Variants in ROBO2 observed in about 807,000 individuals in gnomAD.
ROBO2 encodes the protein roundabout homolog 2.
Under a neutral mutation model 160.8 loss-of-function variants are expected in ROBO2, and 53 were observed. That is an observed-to-expected ratio of 0.33 (90% CI 0.26 to 0.41). The LOEUF is 0.41. Among genes scored for constraint, ROBO2 ranks in the 10% least tolerant of loss-of-function variants. The probability of loss-of-function intolerance (pLI) is 1.00; values close to 1 mark genes in which losing one functional copy is unlikely to be tolerated. For synonymous variants in ROBO2, 664 were observed against 611.7 expected (o/e 1.09, Z -1.26); for missense variants, 1,577 against 1,722.4 (o/e 0.92, Z 1.49).
At chr3:77,144,400 G>A (rs868491689) in intron 2 of ROBO2, among the ~76,000 whole-genome samples, 2 of 152,040 alleles carry the variant, frequency 1.3e-5, no homozygotes, top group Middle Eastern at 3.4e-3. Context: ...TGGACATCTC[G>A]ACTCTCTAAC....
chr3:76,274,206 C>A (rs897971660), intron 2 of ROBO2, among the ~76,000 whole-genome samples: 2 of 152,114 alleles, frequency 1.3e-5, no homozygotes, highest in African/African-American at 4.8e-5. Flanking sequence ...ATTCATGATA[C>A]TACATACATA....
At chr3:77,179,313 C>CAA (rs200508305) in intron 2 of ROBO2, among the ~76,000 whole-genome samples, 1 of 134,404 alleles carries the variant, frequency 7.4e-6, no homozygotes, top group African/African-American at 2.7e-5. Flanking sequence ...AATAAGCCTG[C>CAA]AAAAAAAAAA....
intron 2 of ROBO2, among the ~76,000 whole-genome samples, chr3:76,824,453 C>T (rs2066398269): frequency 6.6e-6 from 1 of 152,136 alleles, no homozygotes; most frequent in Admixed American, 6.6e-5. Context: ...ACTAGTGCTG[C>T]CACACCAGTT....
intron 2 of ROBO2, among the ~76,000 whole-genome samples, chr3:77,347,593 T>C (rs2067806967): frequency 6.6e-6 from 1 of 152,078 alleles, no homozygotes; most frequent in Non-Finnish European, 1.5e-5. Context: ...TTCAGCTCCT[T>C]TTCCCCCAAA....
At chr3:77,326,081 A>G (rs1051987613) in intron 2 of ROBO2, among the ~76,000 whole-genome samples, 7 of 152,210 alleles carry the variant, frequency 4.6e-5, no homozygotes, top group Admixed American at 4.6e-4. Flanking sequence ...GTGTGATCTG[A>G]TAAATACTCA....
At chr3:76,457,076 A>G (rs1189374540) in intron 2 of ROBO2, among the ~76,000 whole-genome samples, 1 of 152,114 alleles carries the variant, frequency 6.6e-6, no homozygotes, top group Non-Finnish European at 1.5e-5. Flanking sequence ...TGGCCCATCC[A>G]AATCTCATGT....
intron 2 of ROBO2, among the ~76,000 whole-genome samples, chr3:77,111,788 C>T (rs895279891): frequency 6.6e-6 from 1 of 152,056 alleles, no homozygotes; most frequent in Non-Finnish European, 1.5e-5. Context: ...GCAAGAAGTC[C>T]CTACTTTAAA....
At chr3:77,167,554 C>A (rs1030572604) in intron 2 of ROBO2, among the ~76,000 whole-genome samples, 3 of 152,068 alleles carry the variant, frequency 2.0e-5, no homozygotes, top group African/African-American at 4.8e-5. Context: ...GGCAGTTAAA[C>A]CCATATGTAT....
intron 2 of ROBO2, among the ~76,000 whole-genome samples, chr3:76,362,310 G>A (rs1044507838): frequency 6.6e-6 from 1 of 152,024 alleles, no homozygotes; most frequent in Admixed American, 6.6e-5. Context: ...GCTGCTGTGA[G>A]CTGTGATTCC....
chr3:76,228,409 T>C (rs1575993866), intron 2 of ROBO2, among the ~76,000 whole-genome samples: 1 of 152,138 alleles, frequency 6.6e-6, no homozygotes, highest in African/African-American at 2.4e-5. Flanking sequence ...TCCTAAACAC[T>C]TTTATCTTAG....
chr3:77,115,233 C>A (rs1241316595), intron 2 of ROBO2, among the ~76,000 whole-genome samples: 1 of 152,058 alleles, frequency 6.6e-6, no homozygotes, highest in Non-Finnish European at 1.5e-5. Flanking sequence ...TATAAAAATA[C>A]TACACATGTA....
chr3:76,058,589 CTTTTTTT>C (rs10676074), intron 2 of ROBO2, among the ~76,000 whole-genome samples: 10 of 48,864 alleles, frequency 2.0e-4, no homozygotes, highest in African/African-American at 6.7e-4. Flanking sequence ...ACAGCAGAAA[CTTTTTTT>C]TTTTTTTTTT....
At chr3:77,007,933 A>G (rs530894753) in intron 2 of ROBO2, among the ~76,000 whole-genome samples, 4 of 152,196 alleles carry the variant, frequency 2.6e-5, no homozygotes, top group Admixed American at 6.5e-5. Flanking sequence ...GTTATTTTAA[A>G]TGAATTTCAA....
chr3:75,971,086 T>C (rs1027837249), intron 2 of ROBO2, among the ~76,000 whole-genome samples: 1 of 151,432 alleles, frequency 6.6e-6, no homozygotes, highest in African/African-American at 2.4e-5. Context: ...TCATCAAAGT[T>C]GTGTATCCCT....
chr3:77,216,197 G>T (rs1323682706), intron 2 of ROBO2, among the ~76,000 whole-genome samples: 3 of 152,266 alleles, frequency 2.0e-5, no homozygotes, highest in Admixed American at 1.3e-4. Flanking sequence ...AGGCACACAG[G>T]CCTCCTTGAG....
chr3:77,294,433 C>T (rs1455225703), intron 2 of ROBO2, among the ~76,000 whole-genome samples: 1 of 134,554 alleles, frequency 7.4e-6, no homozygotes, highest in Non-Finnish European at 1.5e-5. Context: ...GAAGTTGAGC[C>T]TAGATCCCTA....
chr3:77,254,986 G>T (rs75608543), intron 2 of ROBO2, among the ~76,000 whole-genome samples: 1 of 152,200 alleles, frequency 6.6e-6, no homozygotes, highest in African/African-American at 2.4e-5. Context: ...AGAGGGAAAC[G>T]TATTCCGAAA....
chr3:76,468,275 A>G (rs543999365), intron 2 of ROBO2, among the ~76,000 whole-genome samples: 1 of 152,260 alleles, frequency 6.6e-6, no homozygotes, highest in South Asian at 2.1e-4. Flanking sequence ...CAGCACTTTA[A>G]ACAAATAACT....
In ROBO2 at chr3:76,942,567, T is replaced by C. The variant is rs1040295671; in HGVS notation, c.110-155447T>C. On this transcript the variant is annotated intron_variant, in intron 2 of 26. Transcript: ENST00000487694. ...TCGTGGAAAAGCAGAAGCTCATATATGCCTGGGGATGCTTTTCTACACTCT... is the reference window on the plus strand; with the variant it reads ...TCGTGGAAAAGCAGAAGCTCATATACGCCTGGGGATGCTTTTCTACACTCT... Among the ~76,000 whole-genome samples, 2 of 152,200 alleles carry C rather than the reference T, an allele frequency of 1.3e-5. 1 individual carries two copies. The highest frequency in any genetic ancestry group is 4.1e-4 in the South Asian group (2 of 4,836).
Sources: allele counts gnomAD v4.1 joint callset (sites outside exome capture counted in the v4.1 genomes callset), GRCh38; gene constraint gnomAD v4.1.1; transcripts MANE v1.5; gene names NCBI Gene and HGNC (gene_info 2026-07-23, HGNC 2026-07-21).